Variants in SAV1 observed in about 807,000 individuals in gnomAD.
SAV1 encodes the protein salvador family WW domain containing protein 1.
SAV1 carries 23 observed loss-of-function variants against 47.3 expected under a neutral mutation model. The ratio of observed to expected loss-of-function variants is 0.49; its 90% confidence interval spans 0.35 to 0.69. The LOEUF (loss-of-function observed/expected upper bound fraction) is 0.69, where lower values mean the gene tolerates loss of function less well. Ranked by LOEUF, SAV1 falls within the 30% of genes least tolerant of loss-of-function variation. SAV1 has a pLI of 0.01. For missense variants in SAV1, 448 were observed against 457.4 expected (o/e 0.98, Z 0.19); for synonymous variants, 155 against 159.2 (o/e 0.97, Z 0.20).
In SAV1 at chr14:50,640,788, A is replaced by G; in HGVS notation, c.912T>C (p.Ile304=). The part of the protein sequence containing the change: ...VPANPYHTAE[I]PDWLQVYARA... ...GTGCGTAAACCTGAAGCCAGTCAGG[A>G]ATTTCTGCAGTATGATATGGATTTG... The change falls in exon 4 of 5, where the codon ATT becomes ATC. Residue 304 remains isoleucine, a synonymous_variant. Coordinates refer to ENST00000324679, the MANE Select transcript of SAV1 (RefSeq NM_021818.4). 6.2e-7 allele frequency: 1 copy of G among 1,613,796 alleles called. No individual in the cohort carries two copies. The highest frequency in any genetic ancestry group is 8.5e-7 in the Non-Finnish European group (1 of 1,179,858).
intron 4 of SAV1, 30 bp from the exon 5 acceptor site, chr14:50,635,414 C>A: frequency 1.3e-6 from 2 of 1,508,432 alleles, no homozygotes; most frequent in East Asian, 2.3e-5. Context: ...TATATATGTT[C>A]ACAACACATA....
intron 4 of SAV1, among the ~76,000 whole-genome samples, chr14:50,639,441 C>T (rs1203946817): frequency 6.6e-6 from 1 of 152,172 alleles, no homozygotes; most frequent in African/African-American, 2.4e-5. Context: ...TCCTCTTCAG[C>T]AACATTAATT....
chr14:50,650,193 A>T (rs1362774561), intron 2 of SAV1, among the ~76,000 whole-genome samples: 1 of 152,266 alleles, frequency 6.6e-6, no homozygotes, highest in African/African-American at 2.4e-5. Flanking sequence ...TAAATACAAC[A>T]TACAATGCAT....
chr14:50,653,060 A>C (rs773489688), intron 2 of SAV1, among the ~76,000 whole-genome samples: 1 of 152,132 alleles, frequency 6.6e-6, no homozygotes, highest in Non-Finnish European at 1.5e-5. Context: ...AATGAATTGA[A>C]ATTGAGGTAC....
rs1326733875 is a variant in SAV1, at chr14:50,634,208, AG to A, written c.*974del. On this transcript the variant is annotated 3_prime_UTR_variant, in exon 5 of 5. Transcript: ENST00000324679. ...AAGGAAGATGATGTTAGCAACTTTGAGTTTCACGCACCTTCCCAATACAGGC... is the reference window on the plus strand; with the variant it reads ...AAGGAAGATGATGTTAGCAACTTTGATTTCACGCACCTTCCCAATACAGGC... The A allele has an allele frequency of 2.2e-6, 1 of 455,046 alleles. No homozygotes were observed. Among genetic ancestry groups the A allele is most frequent in the Non-Finnish European group, 4.4e-6 (1 of 226,258 alleles). 28.2% of individuals were successfully genotyped at this position (455,046 alleles called of 1,614,324 possible). A position where few individuals can be genotyped will look rare whatever the true frequency, so the allele number is the denominator to read the frequency against.
intron 2 of SAV1, among the ~76,000 whole-genome samples, chr14:50,654,264 T>C (rs1432910660): frequency 6.6e-6 from 1 of 152,274 alleles, no homozygotes; most frequent in Non-Finnish European, 1.5e-5. Flanking sequence ...ACTGCTACTT[T>C]ATCAATTAAA....
At position 50,641,307 on chromosome 14, in the gene SAV1, T is replaced by G. The variant is rs558366464; in HGVS notation, c.807-414A>C. Reference sequence around the variant, plus strand: ...TTGTGTTTGAAATATCTCTATCCAATGCAGATAACTTTTCAACTTTTACCA... The same window carrying G: ...TTGTGTTTGAAATATCTCTATCCAAGGCAGATAACTTTTCAACTTTTACCA... On this transcript the variant is annotated intron_variant, in intron 3 of 4. Coordinates refer to ENST00000324679, the MANE Select transcript of SAV1 (RefSeq NM_021818.4). Among the ~76,000 whole-genome samples the G allele has an allele frequency of 3.9e-5, 6 of 152,110 alleles. No homozygotes were observed. The South Asian group carries it at 1.2e-3, about 32-fold the overall frequency.
chr14:50,639,419 T>C (rs2140248217), intron 4 of SAV1, among the ~76,000 whole-genome samples: 1 of 152,320 alleles, frequency 6.6e-6, no homozygotes, highest in Non-Finnish European at 1.5e-5. Context: ...GATAGAATAT[T>C]AACCATTTCC....
intron 4 of SAV1, 67 bp downstream of exon 4, chr14:50,640,683 C>G (rs1245931849): frequency 7.0e-7 from 1 of 1,420,564 alleles, no homozygotes; most frequent in Admixed American, 2.1e-5. Flanking sequence ...TTGGATCGAG[C>G]AGCCCAGAGA....
At chr14:50,666,782 A>G (rs1388280253) in intron 1 of SAV1, among the ~76,000 whole-genome samples, 3 of 129,592 alleles carry the variant, frequency 2.3e-5, no homozygotes, top group East Asian at 4.1e-4. Context: ...TCAAGTTGTT[A>G]AAAAAAAAAA....
At chr14:50,637,800 G>C (rs945684970) in intron 4 of SAV1, 3 of 151,690 alleles carry the variant, frequency 2.0e-5, no homozygotes, top group Non-Finnish European at 4.4e-5. Context: ...TTCCAACCTG[G>C]GCCAGTTCGC....
At chr14:50,657,717 CAATT>C (rs1189146036) in intron 2 of SAV1, among the ~76,000 whole-genome samples, 2 of 152,330 alleles carry the variant, frequency 1.3e-5, no homozygotes, top group Admixed American at 6.5e-5. Context: ...ACTGGATTCA[CAATT>C]AATCCTCAAA....
At chr14:50,650,898 C>G (rs941065518) in intron 2 of SAV1, among the ~76,000 whole-genome samples, 1 of 152,180 alleles carries the variant, frequency 6.6e-6, no homozygotes, top group African/African-American at 2.4e-5. Context: ...CGGCACATGC[C>G]TGTAGTCCCA....
chr14:50,667,376 T>C (rs973414048), intron 1 of SAV1: 3 of 455,348 alleles, frequency 6.6e-6, no homozygotes, highest in African/African-American at 6.0e-5. Context: ...ACGGTATGCT[T>C]TTCACCTTCT....
intron 2 of SAV1, among the ~76,000 whole-genome samples, chr14:50,652,861 T>C (rs2039780259): frequency 6.6e-6 from 1 of 152,102 alleles, no homozygotes; most frequent in Admixed American, 6.5e-5. Flanking sequence ...CGAAACTCCA[T>C]CTCTACTGAA....
At position 50,665,563 on chromosome 14, in the gene SAV1, A is replaced by G; in HGVS notation, c.151T>C (p.Cys51Arg). 1 of 1,613,860 alleles carries G rather than the reference A, an allele frequency of 6.2e-7. No homozygotes were observed. Among genetic ancestry groups the G allele is most frequent in the African/African-American group, 1.3e-5 (1 of 75,014 alleles). ...GPTIPRRTDICLPDSSPNAFS... is the reference protein window; with the variant it reads ...GPTIPRRTDIRLPDSSPNAFS... ...GCATTAGGGCTTGAATCTGGAAGACAGATATCAGTTCGTCTTGGAATTGTT... is the reference window on the plus strand; with the variant it reads ...GCATTAGGGCTTGAATCTGGAAGACGGATATCAGTTCGTCTTGGAATTGTT... The change falls in exon 2 of 5, where the codon TGT (cysteine) becomes CGT (arginine). Residue 51 changes from cysteine to arginine, a missense_variant. Transcript: ENST00000324679.
intron 4 of SAV1, among the ~76,000 whole-genome samples, chr14:50,639,855 G>T (rs1268310626): frequency 6.6e-6 from 1 of 152,070 alleles, no homozygotes; most frequent in African/African-American, 2.4e-5. Flanking sequence ...AAATAAAAAC[G>T]CATACAGATA....
rs760174964 is a variant in SAV1 at position 50,636,480 on chromosome 14, G to A, written c.951-1096C>T. ...ACTTTTTAAAATGAGAGAATGAGTAGACTATAGAAGGCTTCAGTGTGGTGA... is the reference window on the plus strand; with the variant it reads ...ACTTTTTAAAATGAGAGAATGAGTAAACTATAGAAGGCTTCAGTGTGGTGA... On this transcript the variant is annotated intron_variant, in intron 4 of 4. Coordinates refer to ENST00000324679, the MANE Select transcript of SAV1 (RefSeq NM_021818.4). Among the ~76,000 whole-genome samples, 4 of 152,286 alleles carry A rather than the reference G, an allele frequency of 2.6e-5. No individual in the cohort carries two copies. The East Asian group carries it at 7.7e-4, about 29-fold the overall frequency.
chr14:50,635,997 G>A lies in SAV1; in HGVS notation c.951-613C>T, dbSNP rs183683543. 4.7e-3 allele frequency among the ~76,000 whole-genome samples: 709 copies of A among 152,186 alleles called. 9 individuals are homozygous for A. The highest frequency in any genetic ancestry group is 0.016 in the African/African-American group (673 of 41,518). ...GCTGGGATTAACTTTGGGAGCCACC[G>A]CGCCCGGCCTACATATAATTCTTCT... is the stretch of plus-strand genomic sequence containing the variant. On this transcript the variant is annotated intron_variant, in intron 4 of 4. Coordinates refer to ENST00000324679, the MANE Select transcript of SAV1 (RefSeq NM_021818.4).
Sources: gnomAD v4.1 joint callset for allele counts (sites outside exome capture counted in the v4.1 genomes callset) on GRCh38, gnomAD v4.1.1 for gene constraint, MANE v1.5 for transcripts, NCBI Gene and HGNC (gene_info 2026-07-23, HGNC 2026-07-21) for gene names.